BAZ1B: variants seen among roughly 807,000 people sequenced by gnomAD.
BAZ1B encodes the protein bromodomain adjacent to zinc finger domain 1B.
In BAZ1B, 22 loss-of-function variants were observed where a neutral mutation model predicts 153.8. The observed-to-expected ratio is 0.14, with a 90% CI of 0.10 to 0.20. The LOEUF (loss-of-function observed/expected upper bound fraction) is 0.20. Ranked by LOEUF, BAZ1B falls within the 10% of genes least tolerant of loss-of-function variation. The pLI, the probability that BAZ1B is intolerant of heterozygous loss-of-function variation, is 1.00. For missense variants in BAZ1B, 1,325 were observed against 1,799.3 expected (o/e 0.74, Z 4.77); for synonymous variants, 676 against 633.4 (o/e 1.07, Z -1.01).
rs879964132 is a variant in BAZ1B, at chr7:73,478,519, G to C, written c.942C>G (p.Asp314Glu). The C allele has an allele frequency of 3.8e-6, 6 of 1,582,542 alleles. No homozygotes were observed. Among genetic ancestry groups the C allele is most frequent in the Non-Finnish European group, 3.4e-6 (4 of 1,166,794 alleles). Reference sequence around the variant, plus strand: ...TCTTGGATTTCTTTGAGGGCTTCCTGTCTGGGGATCCAGTATTCTTCCTCT... The same window carrying C: ...TCTTGGATTTCTTTGAGGGCTTCCTCTCTGGGGATCCAGTATTCTTCCTCT... ...STKRKNTGSP[D>E]RKPSKKSKTD... is the part of the protein sequence containing the mutation. The change falls in exon 7 of 20, where the codon GAC (aspartate) becomes GAG (glutamate). Residue 314 changes from aspartate to glutamate, a missense_variant. Asp to Glu is a conservative substitution (Grantham distance 45). Transcript: ENST00000339594.
intron 1 of BAZ1B, among the ~76,000 whole-genome samples, chr7:73,517,745 T>C (rs2115619550): frequency 6.6e-6 from 1 of 152,350 alleles, no homozygotes; most frequent in African/African-American, 2.4e-5. Flanking sequence ...AAAGGTTGTG[T>C]AAGCTATAAA....
At chr7:73,446,415 T>C (rs2116223941) in intron 16 of BAZ1B, among the ~76,000 whole-genome samples, 1 of 152,004 alleles carries the variant, frequency 6.6e-6, no homozygotes, top group South Asian at 2.1e-4. Context: ...TGAAACTCCA[T>C]CTCTACTAAA....
chr7:73,443,017 T>A (rs546623956), intron 17 of BAZ1B, among the ~76,000 whole-genome samples, 189 bp from the exon 18 acceptor site: 1 of 152,160 alleles, frequency 6.6e-6, no homozygotes, highest in East Asian at 1.9e-4. Flanking sequence ...ATCTTCCCAG[T>A]AGTCCACTCA....
intron 16 of BAZ1B, among the ~76,000 whole-genome samples, chr7:73,444,933 G>C (rs1787773293): frequency 6.6e-6 from 1 of 152,098 alleles, no homozygotes; most frequent in East Asian, 1.9e-4. Flanking sequence ...AAAATCGCTT[G>C]AACCTGGGAG....
At chr7:73,502,022 C>G (rs1790153352) in intron 3 of BAZ1B, among the ~76,000 whole-genome samples, 1 of 151,858 alleles carries the variant, frequency 6.6e-6, no homozygotes, top group South Asian at 2.1e-4. Context: ...TTCCAAGTAG[C>G]TGGGACTACA....
chr7:73,450,499 A>C lies in BAZ1B; in HGVS notation c.3580+348T>G, dbSNP rs898592007. Among the ~76,000 whole-genome samples the C allele has an allele frequency of 2.0e-5, 3 of 152,220 alleles. No individual in the cohort carries two copies. Among genetic ancestry groups the C allele is most frequent in the African/African-American group, 7.2e-5 (3 of 41,446 alleles). On this transcript the variant is annotated intron_variant, in intron 14 of 19. Transcript: ENST00000339594. The surrounding 1 kb of genome is among the most constrained non-coding windows in gnomAD (Gnocchi z 4.1). ...CCGGACTGCCTCCTGCTGAAAGCAC[A>C]TATCTTACTTCACAGATGACTAAAG...
chr7:73,447,359 G>A lies in BAZ1B; in HGVS notation c.3749C>T (p.Ala1250Val), dbSNP rs199639392. 6.2e-7 allele frequency: 1 copy of A among 1,613,526 alleles called. No individual in the cohort carries two copies. Among genetic ancestry groups the A allele is most frequent in the East Asian group, 2.2e-5 (1 of 44,880 alleles). The stretch of plus-strand genomic sequence containing the variant: ...CTCATCATCTTCACTGTCCTCAGAA[G>A]CAGACTCTTCAGTATAGTTCCTGTG... ...SRGRNYTEESASEDSEDDESD... is the reference protein window; with the variant it reads ...SRGRNYTEESVSEDSEDDESD... Residue 1250 changes from alanine to valine, a missense_variant, in exon 16 of 20, where the codon GCT (alanine) becomes GTT (valine). Around this residue, in one of 9 missense-constraint regions of BAZ1B, gnomAD observed 271 missense variants for 337.2 expected, o/e 0.80. Transcript: ENST00000339594.
chr7:73,461,910 T>A (rs1466474577), intron 12 of BAZ1B, among the ~76,000 whole-genome samples: 2 of 152,314 alleles, frequency 1.3e-5, no homozygotes, highest in East Asian at 3.9e-4. Context: ...GGCAACATAG[T>A]GAGATTTTGT....
chr7:73,501,149 G>A (rs547512334), intron 3 of BAZ1B, among the ~76,000 whole-genome samples: 9 of 151,592 alleles, frequency 5.9e-5, no homozygotes, highest in African/African-American at 9.7e-5. Context: ...CCAGCTGCTC[G>A]GGAGGCTGAG....
chr7:73,507,755 T>C (rs782778001), intron 3 of BAZ1B, among the ~76,000 whole-genome samples: 2 of 152,154 alleles, frequency 1.3e-5, no homozygotes, highest in Non-Finnish European at 1.5e-5. Context: ...TCCCAGCTAC[T>C]CAGAAGGCTG....
intron 9 of BAZ1B, among the ~76,000 whole-genome samples, chr7:73,468,323 C>T (rs1788670474): frequency 6.6e-6 from 1 of 151,996 alleles, no homozygotes; most frequent in Non-Finnish European, 1.5e-5. Context: ...CTGCTACCAC[C>T]TAGTGGGTAG....
At chr7:73,467,081 C>A (rs1307134814) in intron 9 of BAZ1B, among the ~76,000 whole-genome samples, 1 of 152,036 alleles carries the variant, frequency 6.6e-6, no homozygotes, top group African/African-American at 2.4e-5. Flanking sequence ...TACAGGCACA[C>A]ACCAACACAC....
intron 1 of BAZ1B, among the ~76,000 whole-genome samples, chr7:73,513,969 G>A (rs1207437876): frequency 1.3e-5 from 2 of 152,152 alleles, no homozygotes; most frequent in Admixed American, 1.3e-4. Flanking sequence ...TATTATTACA[G>A]GTTGAGGATC....
At chr7:73,466,427 G>A in intron 9 of BAZ1B, 26 bp from the exon 10 acceptor site, 2 of 1,529,836 alleles carry the variant, frequency 1.3e-6, no homozygotes, top group Non-Finnish European at 9.1e-7. Flanking sequence ...ACATTAGGTT[G>A]ACTTTAGTAA....
chr7:73,464,124 T>G, intron 11 of BAZ1B: 1 of 981,924 alleles, frequency 1.0e-6, no homozygotes, highest in Non-Finnish European at 1.2e-6. Flanking sequence ...ATGTACCTAT[T>G]GTCCTTCGCA....
chr7:73,519,347 T>C (rs1419801983), intron 1 of BAZ1B, among the ~76,000 whole-genome samples: 1 of 152,212 alleles, frequency 6.6e-6, no homozygotes, highest in African/African-American at 2.4e-5. Context: ...CACATATTTG[T>C]TCTCCTCTAT....
At chr7:73,504,483 G>A (rs1790254825) in intron 3 of BAZ1B, among the ~76,000 whole-genome samples, 1 of 152,096 alleles carries the variant, frequency 6.6e-6, no homozygotes, top group South Asian at 2.1e-4. Context: ...CTAATACGGT[G>A]AAACCCCGTC....
intron 6 of BAZ1B, among the ~76,000 whole-genome samples, chr7:73,480,444 A>G (rs558270309): frequency 6.6e-6 from 1 of 152,358 alleles, no homozygotes; most frequent in South Asian, 2.1e-4. Context: ...ATGCTTTAAA[A>G]AAGATAATTA....
intron 1 of BAZ1B, among the ~76,000 whole-genome samples, chr7:73,514,823 T>G (rs1248776903): frequency 6.6e-6 from 1 of 152,002 alleles, no homozygotes; most frequent in Admixed American, 6.6e-5. Context: ...GGGTCACGCC[T>G]GTAATCCCAG....
Sources: gnomAD v4.1 joint callset for allele counts (sites outside exome capture counted in the v4.1 genomes callset) on GRCh38, gnomAD v4.1.1 for gene constraint, gnomAD v4.1.1 regional missense constraint, Gnocchi (gnomAD v3.1) non-coding constraint, MANE v1.5 for transcripts, NCBI Gene and HGNC (gene_info 2026-07-23, HGNC 2026-07-21) for gene names.